TMEM132C: variants seen among roughly 807,000 people sequenced by gnomAD.
TMEM132C encodes the protein protein phosphatase 1, regulatory subunit 152.
A neutral mutation model predicts 61.4 loss-of-function variants in TMEM132C; 29 were observed. The ratio of observed to expected loss-of-function variants is 0.47; its 90% CI spans 0.35 to 0.64. The LOEUF is 0.64. Among genes scored for constraint, TMEM132C ranks in the 30% least tolerant of loss-of-function variants. The probability of loss-of-function intolerance (pLI) is 0.00; values close to 1 mark genes in which losing one functional copy is unlikely to be tolerated. For synonymous variants in TMEM132C, 656 were observed against 633.1 expected (o/e 1.04, Z -0.54); for missense variants, 1,408 against 1,476.9 (o/e 0.95, Z 0.76).
chr12:128,481,782 G>C (rs1235278394), intron 2 of TMEM132C, among the ~76,000 whole-genome samples: 1 of 152,070 alleles, frequency 6.6e-6, no homozygotes, highest in Non-Finnish European at 1.5e-5. Context: ...AGGGGGCTTG[G>C]TTGTCCCTGG....
chr12:128,416,593 TA>T (rs1363746139), intron 2 of TMEM132C, among the ~76,000 whole-genome samples: 3 of 152,240 alleles, frequency 2.0e-5, no homozygotes, highest in African/African-American at 7.2e-5. Flanking sequence ...GCTAGAATGA[TA>T]GCCTATCATA....
intron 8 of TMEM132C, among the ~76,000 whole-genome samples, chr12:128,701,911 T>C (rs1954806966): frequency 1.3e-5 from 2 of 151,198 alleles, no homozygotes; most frequent in African/African-American, 4.9e-5. Flanking sequence ...TTTTTTTTTT[T>C]TTTTTTGAGA....
intron 2 of TMEM132C, among the ~76,000 whole-genome samples, chr12:128,485,171 G>C (rs1871442919): frequency 6.6e-6 from 1 of 152,234 alleles, no homozygotes; most frequent in Middle Eastern, 3.4e-3. Flanking sequence ...TTGAACTAAG[G>C]CTCCCTTTTT....
At chr12:128,590,071 T>C (rs1875698969) in intron 3 of TMEM132C, among the ~76,000 whole-genome samples, 1 of 152,214 alleles carries the variant, frequency 6.6e-6, no homozygotes, top group Non-Finnish European at 1.5e-5. Flanking sequence ...CTCTGGGATA[T>C]GGAGGCTTTG....
At chr12:128,683,783 A>G (rs1404269994) in intron 5 of TMEM132C, among the ~76,000 whole-genome samples, 2 of 152,140 alleles carry the variant, frequency 1.3e-5, no homozygotes, top group Non-Finnish European at 2.9e-5. Flanking sequence ...CCTGATCAAC[A>G]TGGTGAAACC....
At chr12:128,376,987 C>A (rs80246849) in intron 1 of TMEM132C, among the ~76,000 whole-genome samples, 19,197 of 152,100 alleles carry the variant, frequency 0.13, 1,526 homozygotes, top group East Asian at 0.39. Flanking sequence ...AAACTGGACT[C>A]CCCTTCAGGG....
chr12:128,609,289 A>ACCCCCC (rs1565990395), intron 3 of TMEM132C, among the ~76,000 whole-genome samples: 1 of 108,668 alleles, frequency 9.2e-6, no homozygotes. Flanking sequence ...GCAACACTGT[A>ACCCCCC]GCCCCCGCCT....
intron 1 of TMEM132C, among the ~76,000 whole-genome samples, chr12:128,287,660 G>A (rs1212355619): frequency 6.6e-6 from 1 of 152,154 alleles, no homozygotes; most frequent in Non-Finnish European, 1.5e-5. Flanking sequence ...AAGTAAAATG[G>A]CATTGCTATG....
chr12:128,639,077 TATGATG>T (rs372605842), intron 4 of TMEM132C, among the ~76,000 whole-genome samples: 2 of 134,180 alleles, frequency 1.5e-5, no homozygotes, highest in African/African-American at 2.9e-5. Flanking sequence ...ATGATGGTGA[TATGATG>T]ATGATGATGA....
At chr12:128,300,133 A>G (rs1303969929) in intron 1 of TMEM132C, among the ~76,000 whole-genome samples, 1 of 152,194 alleles carries the variant, frequency 6.6e-6, no homozygotes, top group Non-Finnish European at 1.5e-5. Context: ...GCGTAAGCCA[A>G]AGTCTGCGGG....
intron 1 of TMEM132C, among the ~76,000 whole-genome samples, chr12:128,389,594 A>G (rs1034006779): frequency 1.3e-5 from 2 of 152,140 alleles, no homozygotes; most frequent in Non-Finnish European, 2.9e-5. Context: ...TGCTCAGCCA[A>G]TGTGTTGATC....
At chr12:128,347,683 C>T (rs1873211813) in intron 1 of TMEM132C, among the ~76,000 whole-genome samples, 1 of 152,226 alleles carries the variant, frequency 6.6e-6, no homozygotes, top group South Asian at 2.1e-4. Context: ...CCGCCTTGGT[C>T]TCCAAAAGTG....
At chr12:128,434,590 G>GA (rs1869510913) in intron 2 of TMEM132C, among the ~76,000 whole-genome samples, 1 of 139,900 alleles carries the variant, frequency 7.1e-6, no homozygotes, top group African/African-American at 2.6e-5. Flanking sequence ...ACCTGGCCTG[G>GA]ATAATTTATA....
At chr12:128,372,774 C>T (rs554213732) in intron 1 of TMEM132C, among the ~76,000 whole-genome samples, 3 of 152,072 alleles carry the variant, frequency 2.0e-5, no homozygotes, top group African/African-American at 4.8e-5. Flanking sequence ...ATACAACCCC[C>T]GAGATTGATG....
chr12:128,493,833 C>A (rs1381902120), intron 2 of TMEM132C, among the ~76,000 whole-genome samples: 1 of 152,018 alleles, frequency 6.6e-6, no homozygotes, highest in Non-Finnish European at 1.5e-5. Flanking sequence ...TAATTGAATA[C>A]CCTTTATTTC....
chr12:128,276,694 A>G (rs1870701857), intron 1 of TMEM132C, among the ~76,000 whole-genome samples: 1 of 152,034 alleles, frequency 6.6e-6, no homozygotes, highest in Non-Finnish European at 1.5e-5. Context: ...AATTATGTTT[A>G]CTTTTGCTGT....
At chr12:128,648,643 C>A (rs1954235802) in intron 4 of TMEM132C, among the ~76,000 whole-genome samples, 1 of 149,208 alleles carries the variant, frequency 6.7e-6, no homozygotes, top group Non-Finnish European at 1.5e-5. Context: ...TACTGGAGTC[C>A]ATCGGCGTTG....
chr12:128,306,413 A>G (rs1438189866), intron 1 of TMEM132C, among the ~76,000 whole-genome samples: 4 of 152,042 alleles, frequency 2.6e-5, no homozygotes, highest in East Asian at 3.9e-4. Flanking sequence ...CGTGTTAGCC[A>G]GGATGGTCTC....
At position 128,493,285 on chromosome 12, in the gene TMEM132C, A is replaced by T. The variant is rs1238287532; in HGVS notation, c.975-50672A>T. 3.9e-5 allele frequency among the ~76,000 whole-genome samples: 6 copies of T among 152,336 alleles called. No individual in the cohort carries two copies. The East Asian group carries it at 1.2e-3, about 29-fold the overall frequency. On this transcript the variant is annotated intron_variant, in intron 2 of 8. Transcript: ENST00000435159. ...ATATAGTTTGAAGTCAGGTAGCATG[A>T]TGCCTCCAGCTTTGTTCCTTTGGCT... is the stretch of plus-strand genomic sequence containing the variant.
Sources: allele counts gnomAD v4.1 joint callset (sites outside exome capture counted in the v4.1 genomes callset), GRCh38; gene constraint gnomAD v4.1.1; transcripts MANE v1.5; gene names NCBI Gene and HGNC (gene_info 2026-07-23, HGNC 2026-07-21).